SLC24A2: variants seen among roughly 807,000 people sequenced by gnomAD.
SLC24A2 encodes the protein sodium/potassium/calcium exchanger 2.
Under a neutral mutation model 62.0 loss-of-function variants are expected in SLC24A2, and 36 were observed. The observed-to-expected ratio is 0.58, with a 90% CI of 0.44 to 0.77. The LOEUF (loss-of-function observed/expected upper bound fraction) is 0.77, where lower values mean the gene tolerates loss of function less well. Ranked by LOEUF, SLC24A2 falls within the 30% of genes least tolerant of loss-of-function variation. The pLI is 0.00. For missense variants in SLC24A2, 846 were observed against 817.9 expected (o/e 1.03, Z -0.42); for synonymous variants, 358 against 294.0 (o/e 1.22, Z -2.23).
chr9:19,966,371 C>T, the SLC24A2 span, among the ~76,000 whole-genome samples: 1 of 152,114 alleles, frequency 6.6e-6, no homozygotes, highest in South Asian at 2.1e-4. Flanking sequence ...AAACTTAACT[C>T]ATTTTGCTTC....
At chr9:20,222,990 G>A in the SLC24A2 span, among the ~76,000 whole-genome samples, 1 of 151,950 alleles carries the variant, frequency 6.6e-6, no homozygotes, top group African/African-American at 2.4e-5. Flanking sequence ...CTTATTTGTA[G>A]ATGATATGAT....
rs1554665736 is a variant in SLC24A2 at position 19,513,178 on chromosome 9, A to ATG, written c.*2974_*2975insCA. 2.3e-4 allele frequency: 25 copies of ATG among 108,202 alleles called. No homozygotes were observed. Among genetic ancestry groups the ATG allele is most frequent in the African/African-American group, 5.6e-4 (15 of 26,978 alleles). The allele number at this position is 108,202 out of a possible 1,614,324, so 6.7% of individuals were successfully genotyped here. On this transcript the variant is annotated 3_prime_UTR_variant, in exon 11 of 11. Transcript: ENST00000341998. ...GATATATATATATATATATATATGT[A>ATG]TATATATATATATGTATATATTTAT...
the SLC24A2 span, among the ~76,000 whole-genome samples, chr9:20,231,149 C>G: frequency 1.8e-4 from 28 of 152,134 alleles, 1 homozygote; most frequent in African/African-American, 2.4e-4. Context: ...TTGTAGTATA[C>G]TTTGAAGTCA....
intron 2 of SLC24A2, among the ~76,000 whole-genome samples, chr9:19,648,901 G>A (rs1362863704): frequency 7.0e-6 from 1 of 143,402 alleles, no homozygotes; most frequent in Non-Finnish European, 1.5e-5. Flanking sequence ...ATGACTCAAA[G>A]TTATTTAATA....
chr9:20,002,399 G>C, the SLC24A2 span, among the ~76,000 whole-genome samples: 11 of 136,818 alleles, frequency 8.0e-5, no homozygotes, highest in South Asian at 1.6e-3. Flanking sequence ...ACAATTATTA[G>C]TTTGGTACCC....
At chr9:19,873,586 CCCTTTCCTTT>C in the SLC24A2 span, among the ~76,000 whole-genome samples, 1 of 149,480 alleles carries the variant, frequency 6.7e-6, no homozygotes, top group Admixed American at 6.7e-5. Flanking sequence ...TCCTTTCCTT[CCCTTTCCTTT>C]TCCTTTCTCT....
the SLC24A2 span, among the ~76,000 whole-genome samples, chr9:20,101,531 G>T: frequency 6.6e-6 from 1 of 152,144 alleles, no homozygotes; most frequent in South Asian, 2.1e-4. Flanking sequence ...AGAATAGTAT[G>T]AGAGAACTTT....
At chr9:19,863,350 A>G in the SLC24A2 span, among the ~76,000 whole-genome samples, 2 of 152,068 alleles carry the variant, frequency 1.3e-5, no homozygotes, top group Admixed American at 1.3e-4. Flanking sequence ...GAAAATCAAC[A>G]AAGAAACATT....
intron 2 of SLC24A2, among the ~76,000 whole-genome samples, chr9:19,643,524 G>C (rs747390244): frequency 6.6e-6 from 1 of 152,108 alleles, no homozygotes; most frequent in Non-Finnish European, 1.5e-5. Context: ...CTATTGATGG[G>C]CCAGCAAGTG....
chr9:20,234,930 G>A, the SLC24A2 span, among the ~76,000 whole-genome samples: 4 of 152,166 alleles, frequency 2.6e-5, no homozygotes, highest in Non-Finnish European at 4.4e-5. Flanking sequence ...CTGTTTGTTC[G>A]TTTTCCTTCT....
intron 2 of SLC24A2, among the ~76,000 whole-genome samples, chr9:19,681,977 C>T (rs1183502969): frequency 6.6e-6 from 1 of 152,114 alleles, no homozygotes; most frequent in African/African-American, 2.4e-5. Context: ...GAAATAGGAA[C>T]TGATTGATGG....
chr9:19,883,730 G>A, the SLC24A2 span, among the ~76,000 whole-genome samples: 1 of 151,882 alleles, frequency 6.6e-6, no homozygotes, highest in Non-Finnish European at 1.5e-5. Context: ...CATGCCTGGC[G>A]AATTTTTTGT....
intron 2 of SLC24A2, among the ~76,000 whole-genome samples, chr9:19,785,009 A>C (rs963793107): frequency 6.6e-6 from 1 of 152,214 alleles, no homozygotes; most frequent in African/African-American, 2.4e-5. Context: ...AGATGCTGGC[A>C]TGAAAAGTCT....
chr9:20,118,992 G>A, the SLC24A2 span, among the ~76,000 whole-genome samples: 1 of 152,110 alleles, frequency 6.6e-6, no homozygotes, highest in Non-Finnish European at 1.5e-5. Context: ...GTCTTAGCTG[G>A]CTTTGAAGAA....
the SLC24A2 span, among the ~76,000 whole-genome samples, chr9:19,947,790 C>CA: frequency 2.7e-3 from 231 of 84,950 alleles, 5 homozygotes; most frequent in Non-Finnish European, 3.7e-3. Context: ...GACTCTGTCT[C>CA]AAAAAAAAAA....
At chr9:19,868,591 G>C in the SLC24A2 span, among the ~76,000 whole-genome samples, 14 of 151,984 alleles carry the variant, frequency 9.2e-5, no homozygotes, top group Non-Finnish European at 2.1e-4. Flanking sequence ...TATTATTTTT[G>C]TCTATTTCTC....
chr9:20,200,206 C>T, the SLC24A2 span, among the ~76,000 whole-genome samples: 1 of 152,138 alleles, frequency 6.6e-6, no homozygotes, highest in Non-Finnish European at 1.5e-5. Context: ...AGAGTAGCCT[C>T]TGGCTCCACA....
At chr9:20,050,148 G>C in the SLC24A2 span, among the ~76,000 whole-genome samples, 1 of 142,196 alleles carries the variant, frequency 7.0e-6, no homozygotes, top group Non-Finnish European at 1.5e-5. Flanking sequence ...TTCAACATCA[G>C]AATTGTCACT....
the SLC24A2 span, among the ~76,000 whole-genome samples, chr9:19,920,171 G>T: frequency 4.6e-5 from 7 of 152,012 alleles, no homozygotes; most frequent in African/African-American, 1.7e-4. Flanking sequence ...TTATCAAATT[G>T]ATTCATTTAA....
Sources: gnomAD v4.1 joint callset for allele counts (sites outside exome capture counted in the v4.1 genomes callset) on GRCh38, gnomAD v4.1.1 for gene constraint, MANE v1.5 for transcripts, NCBI Gene and HGNC (gene_info 2026-07-23, HGNC 2026-07-21) for gene names.